The following NCAM1 variants were observed in gnomAD, a reference collection of about 807,000 sequenced individuals.
NCAM1 encodes the protein antigen recognized by monoclonal antibody 5.1H11.
Under a neutral mutation model 109.8 loss-of-function variants are expected in NCAM1, and 14 were observed. That is an observed-to-expected ratio of 0.13 (90% CI 0.08 to 0.20). The LOEUF is 0.20. Among genes scored for constraint, NCAM1 ranks in the 10% least tolerant of loss-of-function variants. The pLI is 1.00. For missense variants in NCAM1, 774 were observed against 1,109.9 expected, an observed-to-expected ratio of 0.70 and a Z score of 4.30; for synonymous variants, 418 against 442.9, an observed-to-expected ratio of 0.94 and a Z score of 0.70.
chr11:113,176,379 T>C (rs1331437296), intron 1 of NCAM1, among the ~76,000 whole-genome samples: 1 of 152,188 alleles, frequency 6.6e-6, no homozygotes, highest in East Asian at 1.9e-4. Context: ...GCTTTGATTG[T>C]GGTGAAGCAT....
At chr11:113,089,564 G>A (rs58143860) in intron 1 of NCAM1, among the ~76,000 whole-genome samples, 156 of 152,206 alleles carry the variant, frequency 1.0e-3, no homozygotes, top group African/African-American at 3.4e-3. Flanking sequence ...CCAAGTAGCT[G>A]AAACTACAAG....
Position 113,273,068 on chromosome 11 carries a change from C to G in NCAM1, c.2456+1192C>G. The G allele has an allele frequency of 2.2e-6, 1 of 456,838 alleles. No individual in the cohort carries two copies. Among genetic ancestry groups the G allele is most frequent in the Non-Finnish European group, 4.4e-6 (1 of 226,944 alleles). 28.3% of individuals were successfully genotyped at this position (456,838 alleles called of 1,614,324 possible). On this transcript the variant is annotated intron_variant, in intron 19 of 19. Transcript: ENST00000316851. This position sits in a 1 kb window ranked among gnomAD's most constrained non-coding sequence, Gnocchi z 6.0. ...CCACCAGTGAGACCACCACCCTGAC[C>G]TCCAGTATTGCCCCGCCGGCCACGG... is the stretch of plus-strand genomic sequence containing the variant.
chr11:113,085,148 T>C (rs1300785943), intron 1 of NCAM1, among the ~76,000 whole-genome samples: 1 of 152,220 alleles, frequency 6.6e-6, no homozygotes. Flanking sequence ...TTTCCACCCA[T>C]AAAGGGTGTT....
chr11:113,074,794 G>A (rs1938453371), intron 1 of NCAM1, among the ~76,000 whole-genome samples: 1 of 152,040 alleles, frequency 6.6e-6, no homozygotes, highest in African/African-American at 2.4e-5. Flanking sequence ...ACCATGCCTG[G>A]CTAATTTTTG....
chr11:113,082,805 T>G (rs1199703903), intron 1 of NCAM1, among the ~76,000 whole-genome samples: 1 of 152,198 alleles, frequency 6.6e-6, no homozygotes, highest in African/African-American at 2.4e-5. Context: ...GTATCCTTAT[T>G]TGCTTAACAA....
chr11:113,217,359 A>G (rs1333708412), intron 8 of NCAM1, among the ~76,000 whole-genome samples: 1 of 152,202 alleles, frequency 6.6e-6, no homozygotes, highest in Admixed American at 6.5e-5. Context: ...GAGAGACATT[A>G]AAAACTCTCC....
At chr11:113,191,096 T>C (rs1439822219) in intron 1 of NCAM1, among the ~76,000 whole-genome samples, 3 of 152,182 alleles carry the variant, frequency 2.0e-5, no homozygotes, top group Non-Finnish European at 4.4e-5. Flanking sequence ...AATCCATAGA[T>C]GGGAAAATGA....
intron 1 of NCAM1, among the ~76,000 whole-genome samples, chr11:113,077,702 T>C (rs1201379340): frequency 7.7e-6 from 1 of 130,232 alleles, no homozygotes; most frequent in Non-Finnish European, 1.7e-5. Context: ...TTTTTTTTTT[T>C]TGAGACGGAG....
intron 1 of NCAM1, among the ~76,000 whole-genome samples, chr11:112,964,612 C>T (rs1190638019): frequency 6.6e-6 from 1 of 152,158 alleles, no homozygotes; most frequent in Non-Finnish European, 1.5e-5. Context: ...AGGTGCGCTT[C>T]CACAAAGTTG....
chr11:113,248,057 C>T (rs887053782), intron 15 of NCAM1, among the ~76,000 whole-genome samples: 6 of 151,980 alleles, frequency 3.9e-5, no homozygotes, highest in East Asian at 1.9e-4. Context: ...TAATTCGGAA[C>T]GAAACAAAGC....
intron 1 of NCAM1, among the ~76,000 whole-genome samples, chr11:113,131,102 A>G (rs1410763030): frequency 6.6e-6 from 1 of 152,228 alleles, no homozygotes; most frequent in Non-Finnish European, 1.5e-5. Flanking sequence ...CCGTATTCAT[A>G]TTTAGCTCTG....
chr11:113,208,024 G>C, intron 7 of NCAM1, 22 bp downstream of exon 7: 2 of 1,592,392 alleles, frequency 1.3e-6, no homozygotes, highest in Non-Finnish European at 1.7e-6. Flanking sequence ...GGGGGCCCAG[G>C]TCACTGCTCT....
chr11:113,020,842 G>A (rs914728111), intron 1 of NCAM1, among the ~76,000 whole-genome samples: 1 of 152,016 alleles, frequency 6.6e-6, no homozygotes, highest in African/African-American at 2.4e-5. Context: ...TGCAACCTCC[G>A]TCTCCCAGGT....
chr11:113,143,763 C>T (rs1941917070), intron 1 of NCAM1, among the ~76,000 whole-genome samples: 1 of 152,182 alleles, frequency 6.6e-6, no homozygotes, highest in Admixed American at 6.6e-5. Flanking sequence ...CTGATAAAAA[C>T]TGTGCTGAAG....
chr11:113,002,107 G>C (rs1342748451), intron 1 of NCAM1, among the ~76,000 whole-genome samples: 17 of 152,218 alleles, frequency 1.1e-4, no homozygotes, highest in African/African-American at 4.1e-4. Context: ...AAGCTGGGGA[G>C]ATGATGCCCC....
chr11:113,158,009 T>A (rs1942475940), intron 1 of NCAM1, among the ~76,000 whole-genome samples: 1 of 152,128 alleles, frequency 6.6e-6, no homozygotes, highest in Admixed American at 6.6e-5. Flanking sequence ...TAAAATTTGG[T>A]TGCAATGTGG....
chr11:113,222,590 TC>T (rs1170264219), intron 9 of NCAM1, among the ~76,000 whole-genome samples: 1 of 152,168 alleles, frequency 6.6e-6, no homozygotes, highest in East Asian at 1.9e-4. Context: ...TGTCCAAAAG[TC>T]ATGGACCCAC....
At chr11:113,119,904 T>C (rs1271099184) in intron 1 of NCAM1, among the ~76,000 whole-genome samples, 1 of 152,216 alleles carries the variant, frequency 6.6e-6, no homozygotes. Context: ...AGGGCTAGTT[T>C]ATTATTATTC....
intron 1 of NCAM1, among the ~76,000 whole-genome samples, chr11:113,179,988 G>A (rs1357344030): frequency 1.3e-5 from 2 of 152,134 alleles, no homozygotes; most frequent in Non-Finnish European, 2.9e-5. Flanking sequence ...GGACCCTGAG[G>A]TTATATGACT....
Sources: gnomAD v4.1 joint callset for allele counts (sites outside exome capture counted in the v4.1 genomes callset) on GRCh38, gnomAD v4.1.1 for gene constraint, Gnocchi (gnomAD v3.1) non-coding constraint, MANE v1.5 for transcripts, NCBI Gene and HGNC (gene_info 2026-07-23, HGNC 2026-07-21) for gene names.